PRKCA: variants seen among roughly 807,000 people sequenced by gnomAD.
The protein encoded by PRKCA is protein kinase C alpha type.
Under a neutral mutation model 87.0 loss-of-function variants are expected in PRKCA, and 27 were observed. That is an observed-to-expected ratio of 0.31 (90% CI 0.23 to 0.43). PRKCA has a LOEUF of 0.43. Ranked by LOEUF, PRKCA falls within the 20% of genes least tolerant of loss-of-function variation. PRKCA has a pLI of 1.00. For synonymous variants in PRKCA, 329 were observed against 311.1 expected (o/e 1.06, Z -0.61); for missense variants, 518 against 852.3 (o/e 0.61, Z 4.88).
At chr17:66,602,542 G>T (rs943912176) in intron 3 of PRKCA, among the ~76,000 whole-genome samples, 4 of 152,028 alleles carry the variant, frequency 2.6e-5, no homozygotes, top group Non-Finnish European at 4.4e-5. Flanking sequence ...CGTCGCTCAC[G>T]CTGGGAGCTG....
intron 2 of PRKCA, among the ~76,000 whole-genome samples, chr17:66,394,113 G>A (rs560648390): frequency 2.0e-5 from 3 of 152,136 alleles, no homozygotes; most frequent in Non-Finnish European, 4.4e-5. Context: ...AGGGGCAAGA[G>A]GTTCTGAGGG....
chr17:66,569,310 T>C (rs1391517062), intron 3 of PRKCA, among the ~76,000 whole-genome samples: 1 of 152,122 alleles, frequency 6.6e-6, no homozygotes, highest in Non-Finnish European at 1.5e-5. Context: ...GGCTCACACC[T>C]GTAATCCCAG....
At chr17:66,432,293 T>C (rs1913140691) in intron 2 of PRKCA, among the ~76,000 whole-genome samples, 1 of 152,126 alleles carries the variant, frequency 6.6e-6, no homozygotes, top group African/African-American at 2.4e-5. Flanking sequence ...GACAAAAGCA[T>C]GGGGATGTCA....
At chr17:66,339,983 C>CT (rs1906941413) in intron 2 of PRKCA, 1 of 152,182 alleles carries the variant, frequency 6.6e-6, no homozygotes, top group African/African-American at 2.4e-5. Context: ...AGTGAAAGGT[C>CT]TACACTATAA....
At chr17:66,348,063 T>TTA (rs1007018376) in intron 2 of PRKCA, among the ~76,000 whole-genome samples, 8 of 149,970 alleles carry the variant, frequency 5.3e-5, no homozygotes, top group African/African-American at 2.0e-4. Flanking sequence ...TGCCTCAGAC[T>TTA]TATGAGTAGC....
chr17:66,574,453 A>G (rs1021578991), intron 3 of PRKCA, among the ~76,000 whole-genome samples: 2 of 152,190 alleles, frequency 1.3e-5, no homozygotes, highest in Admixed American at 1.3e-4. Flanking sequence ...ATGTAATTTA[A>G]TATGCAAAGC....
chr17:66,706,080 G>A (rs1203225959), intron 8 of PRKCA, among the ~76,000 whole-genome samples: 3 of 152,140 alleles, frequency 2.0e-5, no homozygotes, highest in Non-Finnish European at 4.4e-5. Context: ...GAGGTTCAGA[G>A]CCCAGCCCAG....
chr17:66,554,810 G>T (rs1968445718), intron 3 of PRKCA, among the ~76,000 whole-genome samples: 1 of 151,670 alleles, frequency 6.6e-6, no homozygotes, highest in African/African-American at 2.4e-5. Context: ...CTAAACACTT[G>T]TAGTACTGTG....
chr17:66,567,321 T>C (rs1968932349), intron 3 of PRKCA, among the ~76,000 whole-genome samples: 4 of 152,336 alleles, frequency 2.6e-5, no homozygotes, highest in Middle Eastern at 3.4e-3. Context: ...GAACAACTTC[T>C]GGAACATTCC....
chr17:66,775,941 A>G (rs1056572157), intron 14 of PRKCA, among the ~76,000 whole-genome samples: 1 of 152,216 alleles, frequency 6.6e-6, no homozygotes, highest in African/African-American at 2.4e-5. Flanking sequence ...GAAAGAAGAT[A>G]GTGTTGGGGG....
chr17:66,580,003 G>A (rs1425395014), intron 3 of PRKCA, among the ~76,000 whole-genome samples: 1 of 152,188 alleles, frequency 6.6e-6, no homozygotes, highest in Non-Finnish European at 1.5e-5. Context: ...AGATCCTCAA[G>A]ATCAGGGGAG....
chr17:66,798,968 A>ATGGTGGTGG (rs1555650885), intron 16 of PRKCA, among the ~76,000 whole-genome samples: 279 of 10,886 alleles, frequency 0.026, 26 homozygotes, highest in Non-Finnish European at 0.03. Flanking sequence ...GGTGGTGGTG[A>ATGGTGGTGG]TGGTGGTGGT....
rs907131297 is a variant in PRKCA at position 66,623,579 on chromosome 17, C to T, written c.289-17776C>T. 5.3e-5 allele frequency among the ~76,000 whole-genome samples: 8 copies of T among 152,256 alleles called. No homozygotes were observed. In the East Asian group the frequency reaches 1.4e-3, roughly 26 times the overall value. Reference sequence around the variant, plus strand: ...TTGACAGATGTTCACAAAGAACCTGCTTGATGCAGTGGCCCTCTTTTGGGT... The same window carrying T: ...TTGACAGATGTTCACAAAGAACCTGTTTGATGCAGTGGCCCTCTTTTGGGT... On this transcript the variant is annotated intron_variant, in intron 3 of 16. Coordinates refer to ENST00000413366, the MANE Select transcript of PRKCA (RefSeq NM_002737.3).
chr17:66,675,708 C>A (rs530853332), intron 5 of PRKCA, among the ~76,000 whole-genome samples: 261 of 152,240 alleles, frequency 1.7e-3, no homozygotes, highest in African/African-American at 5.8e-3. Flanking sequence ...AATCTGTATG[C>A]GTCAGGAGTG....
rs991970421 is a variant in PRKCA, at chr17:66,792,972, G to A, written c.1854+3993G>A. ...CCCTAAAAAGCTACCATGTGCCACCGTGAAGATGATGATTTTCTGGAAGAT... is the reference window on the plus strand; with the variant it reads ...CCCTAAAAAGCTACCATGTGCCACCATGAAGATGATGATTTTCTGGAAGAT... On this transcript the variant is annotated intron_variant, in intron 16 of 16. Transcript: ENST00000413366. The surrounding 1 kb of genome is among the most constrained non-coding windows in gnomAD (Gnocchi z 4.5). Among the ~76,000 whole-genome samples the A allele has an allele frequency of 2.0e-5, 3 of 152,194 alleles. No homozygotes were observed. The highest frequency in any genetic ancestry group is 4.8e-5 in the African/African-American group (2 of 41,452).
chr17:66,610,529 CA>C (rs1315909572), intron 3 of PRKCA, among the ~76,000 whole-genome samples: 1 of 152,136 alleles, frequency 6.6e-6, no homozygotes. Context: ...CCCATGATAA[CA>C]AAAGACACTC....
intron 8 of PRKCA, among the ~76,000 whole-genome samples, chr17:66,697,543 T>TA: frequency 6.6e-6 from 1 of 152,132 alleles, no homozygotes; most frequent in East Asian, 1.9e-4. Context: ...TAATTCCTTC[T>TA]AAGGGGGAAA....
intron 2 of PRKCA, among the ~76,000 whole-genome samples, chr17:66,309,685 A>G (rs1904997562): frequency 6.6e-6 from 1 of 152,162 alleles, no homozygotes; most frequent in Admixed American, 6.6e-5. Flanking sequence ...CCCTTTTTAC[A>G]TGACTTGGAG....
At chr17:66,325,715 G>A (rs1161635972) in intron 2 of PRKCA, among the ~76,000 whole-genome samples, 1 of 152,116 alleles carries the variant, frequency 6.6e-6, no homozygotes, top group Non-Finnish European at 1.5e-5. Flanking sequence ...AGGGGCGGGT[G>A]GTTGTGATTT....
Sources: gnomAD v4.1 joint callset for allele counts (sites outside exome capture counted in the v4.1 genomes callset) on GRCh38, gnomAD v4.1.1 for gene constraint, Gnocchi (gnomAD v3.1) non-coding constraint, MANE v1.5 for transcripts, NCBI Gene and HGNC (gene_info 2026-07-23, HGNC 2026-07-21) for gene names.